TENM2: variants seen among roughly 807,000 people sequenced by gnomAD.
TENM2 encodes teneurin transmembrane protein 2.
A neutral mutation model predicts 245.2 loss-of-function variants in TENM2; 52 were observed. That is an observed-to-expected ratio of 0.21 (90% confidence interval 0.17 to 0.27). TENM2 has a LOEUF of 0.27. Ranked by LOEUF, TENM2 falls within the 10% of genes least tolerant of loss-of-function variation. The probability of loss-of-function intolerance (pLI) is 1.00; values close to 1 mark genes in which losing one functional copy is unlikely to be tolerated. For synonymous variants in TENM2, 1,363 were observed against 1,438.9 expected, an observed-to-expected ratio of 0.95 and a Z score of 1.19; for missense variants, 3,046 against 3,666.8, an observed-to-expected ratio of 0.83 and a Z score of 4.37.
chr5:167,863,566 C>A (rs1772030414), intron 2 of TENM2, among the ~76,000 whole-genome samples: 1 of 152,066 alleles, frequency 6.6e-6, no homozygotes, highest in Non-Finnish European at 1.5e-5. Flanking sequence ...ATTGCTTGAA[C>A]CTGGGAGGTG....
chr5:167,498,023 T>C (rs1582209765), intron 2 of TENM2, among the ~76,000 whole-genome samples: 1 of 152,140 alleles, frequency 6.6e-6, no homozygotes, highest in East Asian at 1.9e-4. Flanking sequence ...GAGAAGCTCT[T>C]TGTGGGGACT....
chr5:167,249,163 G>T, the TENM2 span, among the ~76,000 whole-genome samples: 1 of 152,166 alleles, frequency 6.6e-6, no homozygotes, highest in Non-Finnish European at 1.5e-5. Context: ...TTACTGGAGT[G>T]CCTGTAAAAT....
intron 2 of TENM2, among the ~76,000 whole-genome samples, chr5:167,863,983 CA>C (rs1267372457): frequency 2.6e-5 from 4 of 152,146 alleles, no homozygotes; most frequent in Non-Finnish European, 5.9e-5. Flanking sequence ...TCTAATTTCA[CA>C]ATATTTATAG....
At chr5:167,378,834 G>A (rs1760923953) in intron 2 of TENM2, among the ~76,000 whole-genome samples, 1 of 148,740 alleles carries the variant, frequency 6.7e-6, no homozygotes, top group African/African-American at 2.5e-5. Context: ...TCCCTTAGGC[G>A]ATTTCTTCAC....
At chr5:167,515,299 A>T (rs1770250196) in intron 2 of TENM2, among the ~76,000 whole-genome samples, 1 of 152,142 alleles carries the variant, frequency 6.6e-6, no homozygotes, top group Admixed American at 6.5e-5. Flanking sequence ...CAGCATGTAG[A>T]CTGCAAGTAG....
At chr5:167,829,974 C>T (rs974793349) in intron 2 of TENM2, among the ~76,000 whole-genome samples, 8 of 152,156 alleles carry the variant, frequency 5.3e-5, no homozygotes, top group Admixed American at 3.9e-4. Flanking sequence ...TCAAGATGGT[C>T]CCAGGATACC....
chr5:167,886,450 G>T lies in TENM2; in HGVS notation c.712+10255G>T, dbSNP rs555407384. On this transcript the variant is annotated intron_variant, in intron 3 of 28. Coordinates refer to ENST00000518659, the Ensembl canonical transcript of TENM2. ...ATCAGAAGGATGAGAGGATATGTGG[G>T]CTGGGCAGATAGAGGAAAAAGCCAA... Among the ~76,000 whole-genome samples the T allele has an allele frequency of 6.6e-5, 10 of 152,290 alleles. No individual in the cohort carries two copies. The South Asian group carries it at 2.1e-3, about 32-fold the overall frequency.
chr5:167,258,255 A>G, the TENM2 span, among the ~76,000 whole-genome samples: 1 of 145,700 alleles, frequency 6.9e-6, no homozygotes, highest in Non-Finnish European at 1.5e-5. Context: ...ATATATATAT[A>G]TAGTGCAGTG....
At chr5:167,332,325 G>A (rs1757507367) in intron 1 of TENM2, among the ~76,000 whole-genome samples, 1 of 151,930 alleles carries the variant, frequency 6.6e-6, no homozygotes, top group Admixed American at 6.6e-5. Flanking sequence ...GCCTTTTTAT[G>A]TTTTTGTTCT....
At chr5:167,873,615 T>G (rs1305194196) in intron 2 of TENM2, among the ~76,000 whole-genome samples, 2 of 152,218 alleles carry the variant, frequency 1.3e-5, no homozygotes, top group Non-Finnish European at 2.9e-5. Flanking sequence ...ATAAAGGAAC[T>G]AGCACAGCGA....
At chr5:167,093,767 G>A in the TENM2 span, among the ~76,000 whole-genome samples, 1 of 152,126 alleles carries the variant, frequency 6.6e-6, no homozygotes, top group Admixed American at 6.5e-5. Flanking sequence ...AGAGGATTTG[G>A]GTAGGTAGAA....
chr5:167,944,160 A>G (rs1779408278), intron 3 of TENM2, among the ~76,000 whole-genome samples: 1 of 152,268 alleles, frequency 6.6e-6, no homozygotes, highest in South Asian at 2.1e-4. Flanking sequence ...AACGTGCCCT[A>G]TTGGGGCGGG....
intron 2 of TENM2, among the ~76,000 whole-genome samples, chr5:167,799,103 C>T (rs1583036970): frequency 1.3e-5 from 2 of 152,284 alleles, no homozygotes; most frequent in East Asian, 1.9e-4. Flanking sequence ...CCTCCTGCTC[C>T]AGGACCCATG....
At chr5:167,097,872 T>A in the TENM2 span, among the ~76,000 whole-genome samples, 1 of 152,234 alleles carries the variant, frequency 6.6e-6, no homozygotes, top group Non-Finnish European at 1.5e-5. Flanking sequence ...AGACCTCGAC[T>A]ACTTCTCTTT....
intron 8 of TENM2, among the ~76,000 whole-genome samples, chr5:168,092,402 T>C (rs1034895370): frequency 3.9e-5 from 6 of 152,308 alleles, no homozygotes; most frequent in African/African-American, 1.4e-4. Flanking sequence ...TCTGTTTACA[T>C]ATTGTCTATG....
At chr5:167,448,366 A>T (rs1256220003) in intron 2 of TENM2, among the ~76,000 whole-genome samples, 2 of 151,922 alleles carry the variant, frequency 1.3e-5, no homozygotes, top group East Asian at 3.9e-4. Flanking sequence ...CAGTGATTAT[A>T]CTGGTTGGAA....
chr5:167,228,786 G>C, the TENM2 span, among the ~76,000 whole-genome samples: 1 of 151,684 alleles, frequency 6.6e-6, no homozygotes, highest in Admixed American at 6.6e-5. Flanking sequence ...CTCACTGCAA[G>C]CTCCGCCTCC....
chr5:167,331,770 G>A (rs1376793002), intron 1 of TENM2, among the ~76,000 whole-genome samples: 1 of 152,184 alleles, frequency 6.6e-6, no homozygotes, highest in Non-Finnish European at 1.5e-5. Context: ...AATTATCACA[G>A]AAGATAATAC....
intron 1 of TENM2, among the ~76,000 whole-genome samples, chr5:167,330,672 T>C (rs927689563): frequency 6.6e-6 from 1 of 152,186 alleles, no homozygotes; most frequent in South Asian, 2.1e-4. Flanking sequence ...AATTCCTTCA[T>C]GCTTTAGATT....
Sources: allele counts gnomAD v4.1 joint callset (sites outside exome capture counted in the v4.1 genomes callset), GRCh38; gene constraint gnomAD v4.1.1; transcripts MANE v1.5; gene names NCBI Gene and HGNC (gene_info 2026-07-23, HGNC 2026-07-21).